C14orf93: variants seen among roughly 807,000 people sequenced by gnomAD.
The protein encoded by C14orf93 is chromosome 14 open reading frame 93.
C14orf93 carries 23 observed loss-of-function variants against 44.0 expected under a neutral mutation model. The observed-to-expected ratio is 0.52, with a 90% CI of 0.38 to 0.74. The LOEUF (loss-of-function observed/expected upper bound fraction) is 0.74. C14orf93 is among the 30% of genes least tolerant of loss of function. The pLI is 0.00. For missense variants in C14orf93, 579 were observed against 678.9 expected (o/e 0.85, Z 1.64); for synonymous variants, 253 against 265.7 (o/e 0.95, Z 0.46).
At chr14:23,006,395 AAGAGAGCTGT>A (rs1226387257) in intron 1 of C14orf93, 2 of 152,244 alleles carry the variant, frequency 1.3e-5, no homozygotes, top group Non-Finnish European at 2.9e-5. Context: ...AGGGGTAAAA[AAGAGAGCTGT>A]AGACCCAGAA....
chr14:22,994,907 T>G (rs996009175), intron 3 of C14orf93, among the ~76,000 whole-genome samples: 2 of 152,088 alleles, frequency 1.3e-5, no homozygotes, highest in Non-Finnish European at 2.9e-5. Context: ...TAGATGTCAG[T>G]AGCATTCTCC....
chr14:22,998,468 A>C lies in C14orf93; in HGVS notation c.556T>G (p.Cys186Gly). 6.2e-7 allele frequency: 1 copy of C among 1,605,570 alleles called. No individual in the cohort carries two copies. The highest frequency in any genetic ancestry group is 1.1e-5 in the South Asian group (1 of 90,340). ...ATQRDMRLPG[C>G]TLAASEAAPL... ...GCCGCCTCGCTGGCAGCCAGCGTGC[A>C]CCCTGGGAGCCGCATGTCCCTCTGA... Residue 186 changes from cysteine (C) to glycine (G), a missense_variant, in exon 2 of 7, where the codon TGC becomes GGC. By Grantham distance (159) the Cys-to-Gly change is radical (BLOSUM62 -3). Transcript: ENST00000299088.
intron 3 of C14orf93, among the ~76,000 whole-genome samples, chr14:22,991,159 G>A (rs1468901195): frequency 6.8e-6 from 1 of 146,490 alleles, no homozygotes; most frequent in Non-Finnish European, 1.5e-5. Flanking sequence ...AAATGTATTT[G>A]TATTTCTTTT....
chr14:22,987,401 T>C lies in C14orf93; in HGVS notation c.1431A>G (p.Ser477=), dbSNP rs931932064. The C allele has an allele frequency of 1.9e-6, 3 of 1,614,254 alleles. No individual in the cohort carries two copies. Among genetic ancestry groups the C allele is most frequent in the Non-Finnish European group, 2.5e-6 (3 of 1,180,046 alleles). Residue 477 remains serine, a synonymous_variant, in exon 7 of 7, where the codon TCA becomes TCG. Transcript: ENST00000299088. This position sits in a 1 kb window ranked among gnomAD's most constrained non-coding sequence, Gnocchi z 5.6. The part of the protein sequence containing the change: ...TKANRVYGPP[S]DRLPSAEAQL... ...GGGCTTCAGCAGAAGGCAGTCTGTC[T>C]GAGGGAGGCCCATACACACGGTTGG...
In C14orf93 at chr14:22,989,858, G is replaced by A. The variant is rs2045485347; in HGVS notation, c.981-13C>T. 2.5e-6 allele frequency: 4 copies of A among 1,604,810 alleles called. No individual in the cohort carries two copies. The highest frequency in any genetic ancestry group is 2.7e-5 in the African/African-American group (2 of 74,684). ...AGAGGACTTGATGCTGCCACAAAGA[G>A]AAGAGAATGAATAAAGTTGTCGGCT... On this transcript the variant is annotated splice_polypyrimidine_tract_variant and intron_variant, in intron 4 of 6. Transcript: ENST00000299088.
At chr14:23,008,663 T>C (rs988999219) in intron 1 of C14orf93, among the ~76,000 whole-genome samples, 20 of 152,220 alleles carry the variant, frequency 1.3e-4, no homozygotes, top group African/African-American at 4.8e-4. Context: ...AATGAGGAGA[T>C]AGTGATTCTG....
Position 23,003,883 on chromosome 14 carries a change from TATATATATATATATA to T in C14orf93, c.-379-4496_-379-4482del, listed in dbSNP as rs1445917466. Reference sequence around the variant, plus strand: ...ATATATATATATATATATATATATATATATATATATATATATTTTTTTTTTTTTTTTTTTTTTTTT... The same window carrying T: ...ATATATATATATATATATATATATATTTTTTTTTTTTTTTTTTTTTTTTTT... On this transcript the variant is annotated intron_variant, in intron 1 of 6. Coordinates refer to ENST00000299088, the MANE Select transcript of C14orf93 (RefSeq NM_021944.4). 3.7e-3 allele frequency among the ~76,000 whole-genome samples: 63 copies of T among 17,080 alleles called. 1 individual carries two copies. The highest frequency in any genetic ancestry group is 6.8e-3 in the African/African-American group (23 of 3,394). The allele number at this position is 17,080 out of a possible 152,430, so 11.2% of individuals were successfully genotyped here. A position where few individuals can be genotyped will look rare whatever the true frequency, so the allele number is the denominator to read the frequency against.
At chr14:23,004,622 T>G (rs1267343474) in intron 1 of C14orf93, among the ~76,000 whole-genome samples, 1 of 152,054 alleles carries the variant, frequency 6.6e-6, no homozygotes, top group African/African-American at 2.4e-5. Flanking sequence ...ATGGACTATC[T>G]AAAAAACAAA....
In C14orf93 at chr14:22,998,888, T is replaced by A; in HGVS notation, c.136A>T (p.Ile46Phe). The A allele has an allele frequency of 6.2e-7, 1 of 1,613,762 alleles. No individual in the cohort carries two copies. Among genetic ancestry groups the A allele is most frequent in the Non-Finnish European group, 8.5e-7 (1 of 1,179,928 alleles). Residue 46 changes from isoleucine to phenylalanine, a missense_variant, in exon 2 of 7, where the codon ATC becomes TTC. Coordinates refer to ENST00000299088, the MANE Select transcript of C14orf93 (RefSeq NM_021944.4). ...GCCAAGCCATGTCCAGTCACTGTGA[T>A]GGGGGTGCTGGGAGGAGGATTCCCA... ...QGGNPPPSTP[I>F]TVTGHGLAVQ...
chr14:23,007,047 A>G (rs1246804112), intron 1 of C14orf93: 1 of 152,258 alleles, frequency 6.6e-6, no homozygotes, highest in Non-Finnish European at 1.5e-5. Context: ...CAGATGTTCT[A>G]CCGCGTGTGC....
rs1198981243 is a variant in C14orf93 at position 22,993,635 on chromosome 14, T to C, written c.918+2313A>G. Among the ~76,000 whole-genome samples, 14 of 152,198 alleles carry C rather than the reference T, an allele frequency of 9.2e-5. 1 individual carries two copies. The South Asian group carries it at 1.0e-3, about 11-fold the overall frequency. ...CTTGGAAGAGATCAGCTGATAAAAA[T>C]CAAAACAGGCTTGACATGGAAAGGG... On this transcript the variant is annotated intron_variant, in intron 3 of 6. Transcript: ENST00000299088.
intron 1 of C14orf93, chr14:23,006,049 A>G (rs1313753393): frequency 6.6e-6 from 1 of 152,234 alleles, no homozygotes; most frequent in Non-Finnish European, 1.5e-5. Context: ...ATATGTTTTT[A>G]TAATGGGTGC....
At chr14:23,001,775 T>C (rs2139697740) in intron 1 of C14orf93, among the ~76,000 whole-genome samples, 1 of 147,996 alleles carries the variant, frequency 6.8e-6, no homozygotes, top group East Asian at 2.0e-4. Flanking sequence ...CCTTCTTCTT[T>C]AAATAGTCTT....
At chr14:22,997,136 A>G (rs931016360) in intron 2 of C14orf93, among the ~76,000 whole-genome samples, 1 of 152,152 alleles carries the variant, frequency 6.6e-6, no homozygotes, top group South Asian at 2.1e-4. Context: ...GCTCAGGGCA[A>G]TGCCTAGCCT....
At chr14:23,003,875 TATATATATATATATATATA>T (rs2046444548) in intron 1 of C14orf93, among the ~76,000 whole-genome samples, 2 of 14,256 alleles carry the variant, frequency 1.4e-4, no homozygotes, top group Non-Finnish European at 2.7e-4. Context: ...TATATATATA[TATATATATATATATATATA>T]TATATTTTTT....
chr14:23,008,154 CAAAAAAAAAAAAAAA>C (rs55936083), intron 1 of C14orf93, among the ~76,000 whole-genome samples: 3 of 85,064 alleles, frequency 3.5e-5, no homozygotes, highest in Admixed American at 1.4e-4. Context: ...AACTCCGTTT[CAAAAAAAAAAAAAAA>C]AAAAAAAAAA....
Position 22,987,777 on chromosome 14 carries a change from T to A in C14orf93, c.1197+126A>T. 4.1e-6 allele frequency: 5 copies of A among 1,210,164 alleles called. No individual in the cohort carries two copies. Among genetic ancestry groups the A allele is most frequent in the Non-Finnish European group, 5.8e-6 (5 of 858,436 alleles). 75.0% of individuals were successfully genotyped at this position (1,210,164 alleles called of 1,614,324 possible). ...AAGTCAGATCTTAGCATTGGCTCAC[T>A]GTTCTTCTCTATCTTCCTACATTCC... is the stretch of plus-strand genomic sequence containing the variant. On this transcript the variant is annotated intron_variant, in intron 6 of 6. Transcript: ENST00000299088. The surrounding 1 kb of genome is among the most constrained non-coding windows in gnomAD (Gnocchi z 5.6).
At chr14:23,009,860 A>C (rs1414328173) in intron 1 of C14orf93, among the ~76,000 whole-genome samples, 1 of 152,146 alleles carries the variant, frequency 6.6e-6, no homozygotes, top group Non-Finnish European at 1.5e-5. Flanking sequence ...AAAAAGAAAA[A>C]AAAACTATAA....
At chr14:22,990,198 G>A in intron 3 of C14orf93, 71 bp from the exon 4 acceptor site, 5 of 1,359,186 alleles carry the variant, frequency 3.7e-6, no homozygotes, top group South Asian at 2.4e-5. Flanking sequence ...TGGTCCCTAG[G>A]GTAAAAAGGT....
Sources: gnomAD v4.1 joint callset for allele counts (sites outside exome capture counted in the v4.1 genomes callset) on GRCh38, gnomAD v4.1.1 for gene constraint, Gnocchi (gnomAD v3.1) non-coding constraint, MANE v1.5 for transcripts, NCBI Gene and HGNC (gene_info 2026-07-23, HGNC 2026-07-21) for gene names.